TNFAIP8: variants seen among roughly 807,000 people sequenced by gnomAD.
The protein encoded by TNFAIP8 is TNF alpha induced protein 8.
Under a neutral mutation model 13.3 loss-of-function variants are expected in TNFAIP8, and 7 were observed. The ratio of observed to expected loss-of-function variants is 0.52; its 90% CI spans 0.30 to 0.99. The LOEUF (loss-of-function observed/expected upper bound fraction) is 0.99, where lower values mean the gene tolerates loss of function less well. Ranked by LOEUF, TNFAIP8 falls within the 50% of genes least tolerant of loss-of-function variation. The pLI is 0.07. For missense variants in TNFAIP8, 258 were observed against 236.9 expected, an observed-to-expected ratio of 1.09 and a Z score of -0.58; for synonymous variants, 94 against 87.6, an observed-to-expected ratio of 1.07 and a Z score of -0.41.
intron 1 of TNFAIP8, among the ~76,000 whole-genome samples, chr5:119,308,113 G>T (rs1192549801): frequency 1.3e-5 from 2 of 152,108 alleles, no homozygotes; most frequent in Non-Finnish European, 2.9e-5. Flanking sequence ...GTGGCATTTT[G>T]CACCTCTTGC....
chr5:119,299,211 C>T (rs962367904), intron 1 of TNFAIP8, among the ~76,000 whole-genome samples: 3 of 152,298 alleles, frequency 2.0e-5, no homozygotes, highest in Admixed American at 6.5e-5. Flanking sequence ...AGTTTTTCTG[C>T]TCTGTTTTTT....
intron 1 of TNFAIP8, among the ~76,000 whole-genome samples, chr5:119,358,128 T>C (rs1005686988): frequency 3.3e-5 from 5 of 151,058 alleles, no homozygotes; most frequent in Non-Finnish European, 5.9e-5. Context: ...CCTGGTGAAC[T>C]TATGTATCCC....
At chr5:119,356,703 CTG>C (rs1751437304) in intron 1 of TNFAIP8, among the ~76,000 whole-genome samples, 1 of 152,064 alleles carries the variant, frequency 6.6e-6, no homozygotes, top group African/African-American at 2.4e-5. Context: ...CAGCTTGAAA[CTG>C]AGAAGAGTTT....
intron 1 of TNFAIP8, among the ~76,000 whole-genome samples, chr5:119,372,123 C>T (rs1398787795): frequency 2.0e-5 from 3 of 147,268 alleles, no homozygotes; most frequent in Non-Finnish European, 4.5e-5. Context: ...GGCGACAGAG[C>T]AAGACTCCAT....
chr5:119,342,254 AT>A, intron 1 of TNFAIP8, among the ~76,000 whole-genome samples: 1 of 152,210 alleles, frequency 6.6e-6, no homozygotes, highest in Non-Finnish European at 1.5e-5. Context: ...CCTCTCAGAG[AT>A]AGCACCTTGT....
At chr5:119,367,005 T>C (rs964116677) in intron 1 of TNFAIP8, among the ~76,000 whole-genome samples, 5 of 152,156 alleles carry the variant, frequency 3.3e-5, no homozygotes, top group African/African-American at 7.2e-5. Flanking sequence ...AGTTTCAACA[T>C]GTGTAAGGGT....
Position 119,286,305 on chromosome 5 carries a change from G to C in TNFAIP8, c.1+17398G>C, listed in dbSNP as rs995197912. On this transcript the variant is annotated intron_variant, in intron 1 of 1. Transcript: ENST00000274456. ...TTATTGATTCCTCTAACCCAGAATA[G>C]TCAATGGCTCCTAGTGTCTATTAAA... 2.6e-5 allele frequency among the ~76,000 whole-genome samples: 4 copies of C among 152,238 alleles called. No individual in the cohort carries two copies. The East Asian group carries it at 7.7e-4, about 29-fold the overall frequency.
rs185626327 is a variant in TNFAIP8 at position 119,392,433 on chromosome 5, C to T, written c.32-383C>T. 2.3e-4 allele frequency among the ~76,000 whole-genome samples: 35 copies of T among 152,150 alleles called. 1 individual carries two copies. In the East Asian group the frequency reaches 5.0e-3, roughly 22 times the overall value. On this transcript the variant is annotated intron_variant, in intron 1 of 1. Transcript: ENST00000504771. ...TGAGACAGAGTCTCGCTGTGTCACC[C>T]AGGCTGGAGTGCAGTGGAGCAATCT... is the stretch of plus-strand genomic sequence containing the variant.
rs1276661817 is a variant in TNFAIP8 at position 119,292,683 on chromosome 5, T to TAC, written c.1+23777_1+23778insCA. ...ATATATATATATATATATATATATA[T>TAC]ATACACACACACACAATGAAATACT... On this transcript the variant is annotated intron_variant, in intron 1 of 1. Coordinates refer to the TNFAIP8 transcript ENST00000274456. Among the ~76,000 whole-genome samples the TAC allele has an allele frequency of 1.0e-3, 38 of 36,606 alleles. 1 individual carries two copies. The highest frequency in any genetic ancestry group is 6.9e-3 in the East Asian group (2 of 288). The allele number at this position is 36,606 out of a possible 152,430, so 24.0% of individuals were successfully genotyped here.
At chr5:119,389,212 TTAG>T (rs760122396) in intron 1 of TNFAIP8, among the ~76,000 whole-genome samples, 29 of 152,138 alleles carry the variant, frequency 1.9e-4, no homozygotes, top group South Asian at 4.1e-4. Flanking sequence ...AGAGGAGCAC[TTAG>T]TAGGGAGGCA....
chr5:119,345,693 G>A (rs1277775394), intron 1 of TNFAIP8, among the ~76,000 whole-genome samples: 4 of 152,216 alleles, frequency 2.6e-5, no homozygotes, highest in Non-Finnish European at 1.5e-5. Context: ...GTGGTTGCCA[G>A]GGGCTGACAG....
chr5:119,294,168 G>A (rs1224639734), intron 1 of TNFAIP8, among the ~76,000 whole-genome samples: 1 of 151,458 alleles, frequency 6.6e-6, no homozygotes, highest in Admixed American at 6.6e-5. Flanking sequence ...TTAGCATTAG[G>A]TATATCTCCT....
chr5:119,391,131 G>A (rs1028450981), intron 1 of TNFAIP8, among the ~76,000 whole-genome samples: 7 of 151,716 alleles, frequency 4.6e-5, no homozygotes, highest in Admixed American at 6.6e-5. Flanking sequence ...ACCACACCCC[G>A]CCTTTCCCCA....
chr5:119,338,615 T>C (rs1197308341), intron 1 of TNFAIP8, among the ~76,000 whole-genome samples: 1 of 152,250 alleles, frequency 6.6e-6, no homozygotes, highest in Admixed American at 6.5e-5. Flanking sequence ...CTTCACTCAC[T>C]GTCCTTCAGG....
At chr5:119,355,296 T>C (rs1581636622), upstream of TNFAIP8, 1 of 701,500 alleles carries the variant, frequency 1.4e-6, no homozygotes, top group South Asian at 1.5e-5. Flanking sequence ...TTGGAGTAAC[T>C]GCAGCAATGA....
At chr5:119,288,463 A>G (rs959246236) in intron 1 of TNFAIP8, among the ~76,000 whole-genome samples, 3 of 152,358 alleles carry the variant, frequency 2.0e-5, no homozygotes, top group African/African-American at 7.2e-5. Flanking sequence ...TGTTTGCAGC[A>G]CAATCAATGG....
At chr5:119,294,905 A>G (rs1301574536) in intron 1 of TNFAIP8, among the ~76,000 whole-genome samples, 1 of 151,266 alleles carries the variant, frequency 6.6e-6, no homozygotes, top group East Asian at 2.0e-4. Flanking sequence ...TTTCTCTTGT[A>G]AATTTGTTTG....
At chr5:119,369,486 G>A (rs1479173132) in intron 1 of TNFAIP8, among the ~76,000 whole-genome samples, 1 of 152,194 alleles carries the variant, frequency 6.6e-6, no homozygotes, top group Non-Finnish European at 1.5e-5. Context: ...GCACATTGTA[G>A]GCAAACAGAA....
chr5:119,360,087 T>A (rs1208909357), intron 1 of TNFAIP8, among the ~76,000 whole-genome samples: 1 of 152,174 alleles, frequency 6.6e-6, no homozygotes, highest in Non-Finnish European at 1.5e-5. Flanking sequence ...TCCCCTCACT[T>A]CTGAAATTTT....
Sources: gnomAD v4.1 joint callset for allele counts (sites outside exome capture counted in the v4.1 genomes callset) on GRCh38, gnomAD v4.1.1 for gene constraint, MANE v1.5 for transcripts, NCBI Gene and HGNC (gene_info 2026-07-23, HGNC 2026-07-21) for gene names.